Variants in CCDC152 observed in about 807,000 individuals in gnomAD.
The protein encoded by CCDC152 is coiled-coil domain-containing protein 152.
Under a neutral mutation model 38.1 loss-of-function variants are expected in CCDC152, and 37 were observed. The observed-to-expected ratio is 0.97, with a 90% confidence interval of 0.75 to 1.28. CCDC152 has a LOEUF of 1.28. CCDC152 is among the 50% of genes most tolerant of loss of function. The pLI is 0.00. For synonymous variants in CCDC152, 83 were observed against 87.1 expected, an observed-to-expected ratio of 0.95 and a Z score of 0.26; for missense variants, 259 against 292.1, an observed-to-expected ratio of 0.89 and a Z score of 0.83.
At chr5:42,793,190 A>C (rs1292618426) in intron 6 of CCDC152, among the ~76,000 whole-genome samples, 1 of 152,240 alleles carries the variant, frequency 6.6e-6, no homozygotes, top group African/African-American at 2.4e-5. Flanking sequence ...GCCAGACACA[A>C]AAGTCCACAT....
intron 7 of CCDC152, among the ~76,000 whole-genome samples, chr5:42,798,869 C>G (rs989630428): frequency 6.6e-6 from 1 of 152,158 alleles, no homozygotes; most frequent in Non-Finnish European, 1.5e-5. Context: ...AGGGTTCAAA[C>G]TATATCGACA....
At chr5:42,797,095 A>C (rs1198928584) in intron 7 of CCDC152, 139 bp downstream of exon 7, 1 of 621,152 alleles carries the variant, frequency 1.6e-6, no homozygotes, top group Non-Finnish European at 2.7e-6. Flanking sequence ...CTCATTCTCC[A>C]CCAAATGATT....
At chr5:42,779,990 A>G (rs1260211408) in intron 5 of CCDC152, among the ~76,000 whole-genome samples, 1 of 152,202 alleles carries the variant, frequency 6.6e-6, no homozygotes, top group Non-Finnish European at 1.5e-5. Flanking sequence ...AGGAGCCACC[A>G]TACCCTCTGC....
intron 7 of CCDC152, among the ~76,000 whole-genome samples, chr5:42,798,998 AT>A (rs1161657810): frequency 6.6e-6 from 1 of 152,166 alleles, no homozygotes; most frequent in Non-Finnish European, 1.5e-5. Flanking sequence ...ACGTAAAAAT[AT>A]TTTTACCTAT....
chr5:42,757,920 A>G (rs1759503074), intron 1 of CCDC152, among the ~76,000 whole-genome samples: 1 of 152,178 alleles, frequency 6.6e-6, no homozygotes, highest in Non-Finnish European at 1.5e-5. Flanking sequence ...TCCATTAACT[A>G]CTTCAGATTA....
chr5:42,797,789 A>G (rs1462213115), intron 7 of CCDC152, among the ~76,000 whole-genome samples: 2 of 151,886 alleles, frequency 1.3e-5, no homozygotes, highest in Non-Finnish European at 2.9e-5. Flanking sequence ...AAATTCCTAC[A>G]ATTTTTTTTT....
In CCDC152 at chr5:42,785,219, C is replaced by T. The variant is rs1759902518; in HGVS notation, c.430+1643C>T. Among the ~76,000 whole-genome samples the T allele has an allele frequency of 2.0e-5, 3 of 152,112 alleles. No homozygotes were observed. In the South Asian group the frequency reaches 6.2e-4, roughly 32 times the overall value. On this transcript the variant is annotated intron_variant, in intron 6 of 8. Transcript: ENST00000361970. ...AGTCATTTTGATGATATTGATTCTT[C>T]CTATCCATGAGCATGGAATGCTTTT...
chr5:42,762,587 A>T, intron 3 of CCDC152, 39 bp downstream of exon 3: 1 of 1,087,358 alleles, frequency 9.2e-7, no homozygotes, highest in Non-Finnish European at 1.4e-6. Context: ...AATTCTAATG[A>T]AAGTGTTTTT....
In CCDC152 at chr5:42,800,825, C is replaced by A. The variant is rs17857312; in HGVS notation, c.*1044C>A. 1 of 1,614,206 alleles carries A rather than the reference C, an allele frequency of 6.2e-7. No individual in the cohort carries two copies. The highest frequency in any genetic ancestry group is 8.5e-7 in the Non-Finnish European group (1 of 1,180,032). On this transcript the variant is annotated 3_prime_UTR_variant, in exon 9 of 9. Transcript: ENST00000361970. ...GACTTATTTGTCAGGCAGCTGGAGG[C>A]AAACGTCACTGACAAGATTCAGTTA...
At chr5:42,780,137 C>T (rs1759824693) in intron 5 of CCDC152, among the ~76,000 whole-genome samples, 2 of 152,106 alleles carry the variant, frequency 1.3e-5, no homozygotes, top group African/African-American at 4.8e-5. Flanking sequence ...TGCTAACTTC[C>T]TCATCTCTCA....
chr5:42,768,129 A>C (rs924395530), intron 3 of CCDC152, among the ~76,000 whole-genome samples: 4 of 152,318 alleles, frequency 2.6e-5, no homozygotes, highest in East Asian at 1.9e-4. Context: ...TAGTTGAAAA[A>C]GTACATGAGA....
rs1209197400 is a variant in CCDC152 at position 42,796,960 on chromosome 5, A to T, written c.558+4A>T. The T allele has an allele frequency of 6.6e-7, 1 of 1,505,792 alleles. No individual in the cohort carries two copies. The allele number at this position is 1,505,792 out of a possible 1,614,324, so 93.3% of individuals were successfully genotyped here. ...AATAATCAAGCTACAACTAGAAGTA[A>T]GTGTTTAAGAGTCTGCTAAACTTGA... On this transcript the variant is annotated splice_donor_region_variant and intron_variant, in intron 7 of 8. Transcript: ENST00000361970.
chr5:42,787,341 G>C (rs999477012), intron 6 of CCDC152, among the ~76,000 whole-genome samples: 6 of 151,702 alleles, frequency 4.0e-5, no homozygotes, highest in African/African-American at 7.3e-5. Context: ...AGAAGTTTTT[G>C]TTTTGTTTTG....
chr5:42,775,510 C>A (rs770995297), intron 4 of CCDC152, among the ~76,000 whole-genome samples: 26 of 152,042 alleles, frequency 1.7e-4, no homozygotes, highest in Non-Finnish European at 3.2e-4. Flanking sequence ...TAAAGACTTT[C>A]TTAGACAAAA....
At chr5:42,763,914 A>G (rs1442335609) in intron 3 of CCDC152, among the ~76,000 whole-genome samples, 1 of 152,236 alleles carries the variant, frequency 6.6e-6, no homozygotes, top group Non-Finnish European at 1.5e-5. Flanking sequence ...CACAGCATAT[A>G]GAAACAATCA....
intron 3 of CCDC152, among the ~76,000 whole-genome samples, chr5:42,765,980 A>T (rs1759619133): frequency 6.6e-6 from 1 of 152,162 alleles, no homozygotes; most frequent in Non-Finnish European, 1.5e-5. Flanking sequence ...GAGACAACCC[A>T]CAGAATGGGA....
chr5:42,795,479 C>A (rs936852612), intron 6 of CCDC152, among the ~76,000 whole-genome samples: 7 of 151,918 alleles, frequency 4.6e-5, no homozygotes, highest in African/African-American at 1.7e-4. Context: ...TACAAATATG[C>A]AAAATTAGTA....
At chr5:42,792,182 A>G (rs1295605413) in intron 6 of CCDC152, among the ~76,000 whole-genome samples, 4 of 152,164 alleles carry the variant, frequency 2.6e-5, no homozygotes, top group South Asian at 4.2e-4. Context: ...GGTCTTTCCA[A>G]CCGGGGTCCA....
At chr5:42,778,265 C>G (rs1295879132) in intron 4 of CCDC152, among the ~76,000 whole-genome samples, 1 of 152,194 alleles carries the variant, frequency 6.6e-6, no homozygotes, top group Non-Finnish European at 1.5e-5. Context: ...CTACAACCAC[C>G]TAAAGGACTG....
Sources: allele counts gnomAD v4.1 joint callset (sites outside exome capture counted in the v4.1 genomes callset), GRCh38; gene constraint gnomAD v4.1.1; transcripts MANE v1.5; gene names NCBI Gene and HGNC (gene_info 2026-07-23, HGNC 2026-07-21).